TRIM42: variants seen among roughly 807,000 people sequenced by gnomAD.
TRIM42 encodes tripartite motif containing 42.
In TRIM42, 59 loss-of-function variants were observed where a neutral mutation model predicts 64.9. The ratio of observed to expected loss-of-function variants is 0.91; its 90% CI spans 0.74 to 1.13. The LOEUF (loss-of-function observed/expected upper bound fraction) is 1.13, where lower values mean the gene tolerates loss of function less well. Ranked by LOEUF, TRIM42 falls within the 50% of genes most tolerant of loss-of-function variation. The pLI, the probability that TRIM42 is intolerant of heterozygous loss-of-function variation, is 0.00. For synonymous variants in TRIM42, 354 were observed against 346.3 expected, an observed-to-expected ratio of 1.02 and a Z score of -0.25; for missense variants, 878 against 929.5, an observed-to-expected ratio of 0.94 and a Z score of 0.72.
chr3:140,691,208 T>C lies in TRIM42; in HGVS notation c.2085+16T>C, dbSNP rs906221159. 1 of 1,608,654 alleles carries C rather than the reference T, an allele frequency of 6.2e-7. No individual in the cohort carries two copies. The highest frequency in any genetic ancestry group is 1.3e-5 in the African/African-American group (1 of 74,798). On this transcript the variant is annotated intron_variant, in intron 4 of 4. Coordinates refer to ENST00000286349, the MANE Select transcript of TRIM42 (RefSeq NM_152616.5). ...TATCTGCAAGGTATTGTGTGCGTTA[T>C]TTCTCAGACAGATTTTTTTTTCTAT...
rs148001773 is a variant in TRIM42 at position 140,694,368 on chromosome 3, G to A, written c.2085+3176G>A. Reference sequence around the variant, plus strand: ...AGCTGAAAGCTTCTAACATCAAAGAGCCTAATTAATATTTTTGAAGGGTAG... The same window carrying A: ...AGCTGAAAGCTTCTAACATCAAAGAACCTAATTAATATTTTTGAAGGGTAG... On this transcript the variant is annotated intron_variant, in intron 4 of 4. Transcript: ENST00000286349. Among the ~76,000 whole-genome samples, 115 of 152,272 alleles carry A rather than the reference G, an allele frequency of 7.6e-4. 1 individual carries two copies. Among genetic ancestry groups the A allele is most frequent in the African/African-American group, 2.7e-3 (112 of 41,548 alleles).
rs756226288 is a variant in TRIM42, at chr3:140,682,539, T to G, written c.419T>G (p.Leu140Arg). Residue 140 changes from leucine to arginine, a missense_variant, in exon 2 of 5, where the codon CTG (leucine) becomes CGG (arginine). Leu to Arg is a moderately radical substitution (Grantham distance 102). Transcript: ENST00000286349. ...AAGTCAATACCAGCCAACAGTCACCTGGTGAACCACCTCAATTGCCCCATG... is the reference window on the plus strand; with the variant it reads ...AAGTCAATACCAGCCAACAGTCACCGGGTGAACCACCTCAATTGCCCCATG... The part of the protein sequence containing the change: ...EVKSIPANSH[L>R]VNHLNCPMCS... 2.5e-5 allele frequency: 40 copies of G among 1,614,254 alleles called. No individual in the cohort carries two copies. The highest frequency in any genetic ancestry group is 3.1e-5 in the Non-Finnish European group (37 of 1,180,044).
intron 1 of TRIM42, chr3:140,680,614 T>C (rs1576414760): frequency 1.1e-6 from 1 of 950,578 alleles, no homozygotes; most frequent in Non-Finnish European, 1.3e-6. Context: ...TTAAGCAAAC[T>C]AAAGTCCATC....
intron 2 of TRIM42, among the ~76,000 whole-genome samples, chr3:140,684,625 C>T (rs1988502328): frequency 6.6e-6 from 1 of 152,170 alleles, no homozygotes; most frequent in Non-Finnish European, 1.5e-5. Context: ...TAATTTTTCT[C>T]AATGGCCACA....
rs544529991 is a variant in TRIM42, at chr3:140,689,777, A to C, written c.1861-1191A>C. Among the ~76,000 whole-genome samples, 4 of 150,894 alleles carry C rather than the reference A, an allele frequency of 2.7e-5. No homozygotes were observed. The South Asian group carries it at 6.3e-4, about 24-fold the overall frequency. On this transcript the variant is annotated intron_variant, in intron 3 of 4. Transcript: ENST00000286349. Reference sequence around the variant, plus strand: ...GCCCATAACTGAGCAGCTGAACTACATTTCCAATTGATACTAGATCAGCAA... The same window carrying C: ...GCCCATAACTGAGCAGCTGAACTACCTTTCCAATTGATACTAGATCAGCAA...
At chr3:140,690,568 TA>T in intron 3 of TRIM42, among the ~76,000 whole-genome samples, 1 of 135,890 alleles carries the variant, frequency 7.4e-6, no homozygotes, top group African/African-American at 2.7e-5. Context: ...TATATATATA[TA>T]TATATATATA....
chr3:140,686,309 C>T (rs1489009212), intron 2 of TRIM42, among the ~76,000 whole-genome samples: 1 of 152,118 alleles, frequency 6.6e-6, no homozygotes, highest in Non-Finnish European at 1.5e-5. Flanking sequence ...GAAATCGGAC[C>T]CTGGTAGTTT....
rs1449437697 is a variant in TRIM42 at position 140,687,964 on chromosome 3, G to A, written c.1282G>A (p.Ala428Thr). The A allele has an allele frequency of 4.3e-6, 7 of 1,614,110 alleles. No homozygotes were observed. The highest frequency in any genetic ancestry group is 3.3e-5 in the South Asian group (3 of 91,068). Residue 428 changes from alanine to threonine, a missense_variant, in exon 3 of 5, where the codon GCC becomes ACC. Coordinates refer to ENST00000286349, the MANE Select transcript of TRIM42 (RefSeq NM_152616.5). Reference protein sequence around the residue: ...MKVNEMDGLIAYSKEALKETG... With the variant: ...MKVNEMDGLITYSKEALKETG... ...AGTGAACGAGATGGATGGTCTGATC[G>A]CCTACTCCAAGGAAGCCCTGAAGGA... is the stretch of plus-strand genomic sequence containing the variant.
Position 140,678,130 on chromosome 3 carries a change from G to A in TRIM42, c.-100G>A, listed in dbSNP as rs878954630. The A allele has an allele frequency of 9.0e-7, 1 of 1,116,868 alleles. No individual in the cohort carries two copies. Among genetic ancestry groups the A allele is most frequent in the Non-Finnish European group, 1.3e-6 (1 of 759,574 alleles). 69.2% of individuals were successfully genotyped at this position (1,116,868 alleles called of 1,614,324 possible). A position where few individuals can be genotyped will look rare whatever the true frequency, so the allele number is the denominator to read the frequency against. ...GCAACTTTCAAGCTGACGGCCTCAG[G>A]AATGGGAGGAAGGACTCCTCCACTG... On this transcript the variant is annotated 5_prime_UTR_variant, in exon 1 of 5. Coordinates refer to ENST00000286349, the MANE Select transcript of TRIM42 (RefSeq NM_152616.5).
Position 140,678,523 on chromosome 3 carries a change from T to C in TRIM42, c.294T>C (p.Asn98=), listed in dbSNP as rs1470176986. 3.7e-6 allele frequency: 6 copies of C among 1,613,942 alleles called. No homozygotes were observed. Among genetic ancestry groups the C allele is most frequent in the Non-Finnish European group, 5.1e-6 (6 of 1,180,004 alleles). Residue 98 remains asparagine (N), a synonymous_variant, in exon 1 of 5, where the codon AAT becomes AAC. Transcript: ENST00000286349. ...CYYYESRCCR[N]TIITFHKGRL... Reference sequence around the variant, plus strand: ...ACTATGAGAGCCGCTGCTGCCGCAATACCATCATCACTTTCCACAAGGGCC... The same window carrying C: ...ACTATGAGAGCCGCTGCTGCCGCAACACCATCATCACTTTCCACAAGGGCC...
chr3:140,691,392 T>C (rs1409726353), intron 4 of TRIM42, among the ~76,000 whole-genome samples, 200 bp downstream of exon 4: 1 of 152,186 alleles, frequency 6.6e-6, no homozygotes, highest in East Asian at 1.9e-4. Flanking sequence ...ATTGTTCTAT[T>C]TGATTCAAAA....
chr3:140,696,645 A>G (rs1559940140), intron 4 of TRIM42, among the ~76,000 whole-genome samples: 1 of 152,206 alleles, frequency 6.6e-6, no homozygotes, highest in Non-Finnish European at 1.5e-5. Context: ...AAATGTTGGC[A>G]GGGTTGGTTT....
chr3:140,687,863 T>C lies in TRIM42; in HGVS notation c.1181T>C (p.Ile394Thr), dbSNP rs548732761. ...ATTCTTCAGGAGAAAGAGAAGATCATCATGGAGCAGATAGAGAATCTAGAA... is the reference window on the plus strand; with the variant it reads ...ATTCTTCAGGAGAAAGAGAAGATCACCATGGAGCAGATAGAGAATCTAGAA... ...RSILQEKEKI[I>T]MEQIENLEVS... Residue 394 changes from isoleucine (I) to threonine (T), a missense_variant, in exon 3 of 5, where the codon ATC becomes ACC. Coordinates refer to ENST00000286349, the MANE Select transcript of TRIM42 (RefSeq NM_152616.5). 5.0e-6 allele frequency: 8 copies of C among 1,614,190 alleles called. No individual in the cohort carries two copies. In the African/African-American group the frequency reaches 9.3e-5, roughly 19 times the overall value.
intron 3 of TRIM42, among the ~76,000 whole-genome samples, chr3:140,689,234 C>A (rs112273665): frequency 6.6e-6 from 1 of 152,120 alleles, no homozygotes; most frequent in African/African-American, 2.4e-5. Flanking sequence ...TGAACCCACA[C>A]GGAATTGTTT....
chr3:140,689,932 T>A (rs566988723), intron 3 of TRIM42, among the ~76,000 whole-genome samples: 1 of 152,092 alleles, frequency 6.6e-6, no homozygotes, highest in African/African-American at 2.4e-5. Context: ...GCTCTATACC[T>A]GGGCATGGAA....
At position 140,682,822 on chromosome 3, in the gene TRIM42, G is replaced by C; in HGVS notation, c.702G>C (p.Gly234=). 6.2e-7 allele frequency: 1 copy of C among 1,614,050 alleles called. No homozygotes were observed. Among genetic ancestry groups the C allele is most frequent in the Non-Finnish European group, 8.5e-7 (1 of 1,180,038 alleles). ...AGTGGCGCTTTGACCGCTCCTCCGGGCCCATCCTCTGCCAGGTCTGCCGCA... is the reference window on the plus strand; with the variant it reads ...AGTGGCGCTTTGACCGCTCCTCCGGCCCCATCCTCTGCCAGGTCTGCCGCA... ...YLKWRFDRSS[G]PILCQVCRNK... is the part of the protein sequence containing the mutation. Residue 234 remains glycine, a synonymous_variant, in exon 2 of 5, where the codon GGG becomes GGC. Coordinates refer to ENST00000286349, the MANE Select transcript of TRIM42 (RefSeq NM_152616.5).
chr3:140,700,365 C>T (rs1309231826), intron 4 of TRIM42, among the ~76,000 whole-genome samples: 1 of 152,158 alleles, frequency 6.6e-6, no homozygotes, highest in Non-Finnish European at 1.5e-5. Flanking sequence ...TATTATAGTT[C>T]TATTCACTGT....
chr3:140,696,784 G>A (rs146745858), intron 4 of TRIM42, among the ~76,000 whole-genome samples: 48 of 152,216 alleles, frequency 3.2e-4, no homozygotes, highest in African/African-American at 9.9e-4. Context: ...TAAAGACACC[G>A]GTTAGGTTGG....
Position 140,700,678 on chromosome 3 carries a change from A to G in TRIM42, c.2086-210A>G, listed in dbSNP as rs1540717. 6.1e-4 allele frequency among the ~76,000 whole-genome samples: 93 copies of G among 152,310 alleles called. 1 individual carries two copies. The highest frequency in any genetic ancestry group is 6.8e-3 in the Middle Eastern group (2 of 294). ...GTAGGATCTGGCCTATGGAATCACA[A>G]TCCCAGGACACTATAGCTGTGGGGC... On this transcript the variant is annotated intron_variant, in intron 4 of 4. Transcript: ENST00000286349.
Sources: allele counts gnomAD v4.1 joint callset (sites outside exome capture counted in the v4.1 genomes callset), GRCh38; gene constraint gnomAD v4.1.1; transcripts MANE v1.5; gene names NCBI Gene and HGNC (gene_info 2026-07-23, HGNC 2026-07-21).